Variants in CSTPP1 observed in about 807,000 individuals in gnomAD.
CSTPP1 encodes the protein centriolar satellite-associated tubulin polyglutamylase complex regulator 1.
the CSTPP1 span, among the ~76,000 whole-genome samples, chr11:46,992,038 G>A: frequency 6.6e-6 from 1 of 152,028 alleles, no homozygotes; most frequent in African/African-American, 2.4e-5. Context: ...ATTTGTGCCC[G>A]GCCTCATTTA....
At chr11:47,114,241 G>A in the CSTPP1 span, among the ~76,000 whole-genome samples, 1 of 152,156 alleles carries the variant, frequency 6.6e-6, no homozygotes, top group African/African-American at 2.4e-5. Flanking sequence ...GGCTGTTTTG[G>A]TTATTGTAGC....
At chr11:47,137,543 C>A in the CSTPP1 span, 1 of 1,579,110 alleles carries the variant, frequency 6.3e-7, no homozygotes, top group Non-Finnish European at 8.6e-7. Context: ...TTTAAAAGAA[C>A]AGCTCTACCA....
At chr11:47,067,238 AT>A in the CSTPP1 span, among the ~76,000 whole-genome samples, 3 of 152,230 alleles carry the variant, frequency 2.0e-5, no homozygotes, top group Admixed American at 6.5e-5. Context: ...CACATTCCTA[AT>A]TAATGAGTAA....
At chr11:47,137,262 A>G in the CSTPP1 span, 9 of 1,300,854 alleles carry the variant, frequency 6.9e-6, no homozygotes, top group African/African-American at 1.4e-4. Context: ...AAACGTTACC[A>G]TGCCAGAGAA....
chr11:47,003,235 G>A, the CSTPP1 span, among the ~76,000 whole-genome samples: 373 of 152,322 alleles, frequency 2.4e-3, 1 homozygote, highest in African/African-American at 8.2e-3. Context: ...TCCATAATTT[G>A]CTCAGAACTC....
the CSTPP1 span, among the ~76,000 whole-genome samples, chr11:47,046,708 C>T: frequency 7.1e-6 from 1 of 140,232 alleles, no homozygotes; most frequent in Non-Finnish European, 1.5e-5. Flanking sequence ...ACTCTGCCAC[C>T]CAGGCTGGAG....
chr11:46,990,930 G>A, the CSTPP1 span, among the ~76,000 whole-genome samples: 1 of 152,170 alleles, frequency 6.6e-6, no homozygotes, highest in African/African-American at 2.4e-5. Flanking sequence ...TCAAAGATAA[G>A]ATTGTTTTAA....
chr11:47,054,956 T>C, the CSTPP1 span, among the ~76,000 whole-genome samples: 2 of 69,978 alleles, frequency 2.9e-5, no homozygotes, highest in Admixed American at 2.7e-4. Flanking sequence ...TTTTTTTTTT[T>C]TGGAGACAGG....
chr11:47,086,549 AG>A, the CSTPP1 span, among the ~76,000 whole-genome samples: 1 of 152,094 alleles, frequency 6.6e-6, no homozygotes, highest in Non-Finnish European at 1.5e-5. Context: ...AAGATAATAA[AG>A]GGGAAGGGAA....
chr11:47,037,978 A>AC, the CSTPP1 span, among the ~76,000 whole-genome samples: 15 of 65,286 alleles, frequency 2.3e-4, no homozygotes, highest in Admixed American at 6.8e-4. Flanking sequence ...CAGAGGGCTG[A>AC]CCCCCCCCAC....
At chr11:47,077,721 C>T in the CSTPP1 span, among the ~76,000 whole-genome samples, 1 of 152,074 alleles carries the variant, frequency 6.6e-6, no homozygotes, top group African/African-American at 2.4e-5. Flanking sequence ...TTGTGCAAGA[C>T]AGCTAGAAAG....
At chr11:47,067,294 T>G in the CSTPP1 span, among the ~76,000 whole-genome samples, 1 of 152,134 alleles carries the variant, frequency 6.6e-6, no homozygotes. Context: ...GTTTAAAAAT[T>G]TTATTGTTTG....
At chr11:46,950,416 G>A in the CSTPP1 span, among the ~76,000 whole-genome samples, 20 of 150,392 alleles carry the variant, frequency 1.3e-4, no homozygotes, top group Admixed American at 6.6e-4. Flanking sequence ...CTTGTGATCC[G>A]CCTGCCTCGG....
At chr11:47,164,056 GC>G in the CSTPP1 span, 1 of 1,577,518 alleles carries the variant, frequency 6.3e-7, no homozygotes, top group Non-Finnish European at 8.6e-7. Flanking sequence ...GAGTTAAAGG[GC>G]CAACTAATGC....
chr11:47,042,165 G>A, the CSTPP1 span, among the ~76,000 whole-genome samples: 1 of 151,240 alleles, frequency 6.6e-6, no homozygotes, highest in African/African-American at 2.4e-5. Flanking sequence ...TTGCATCACT[G>A]CATTCCAGCC....
chr11:47,108,479 A>C, the CSTPP1 span, among the ~76,000 whole-genome samples: 1 of 152,128 alleles, frequency 6.6e-6, no homozygotes, highest in Non-Finnish European at 1.5e-5. Flanking sequence ...GTCACCAAAA[A>C]CTAAATAGTG....
At chr11:46,994,179 T>C in the CSTPP1 span, among the ~76,000 whole-genome samples, 1 of 152,244 alleles carries the variant, frequency 6.6e-6, no homozygotes, top group Non-Finnish European at 1.5e-5. Flanking sequence ...GATTTTGGGC[T>C]GAGATGATGG....
the CSTPP1 span, among the ~76,000 whole-genome samples, chr11:47,021,685 A>G: frequency 6.6e-6 from 1 of 152,082 alleles, no homozygotes; most frequent in Admixed American, 6.6e-5. Flanking sequence ...CAGCAAGGTC[A>G]TTACAGGCTT....
chr11:47,081,880 C>G, the CSTPP1 span, among the ~76,000 whole-genome samples: 1 of 151,232 alleles, frequency 6.6e-6, no homozygotes, highest in Non-Finnish European at 1.5e-5. Flanking sequence ...TGCTTGAACC[C>G]AGGAGTTCAA....
Sources: allele counts gnomAD v4.1 joint callset (sites outside exome capture counted in the v4.1 genomes callset), GRCh38; gene constraint gnomAD v4.1.1; transcripts MANE v1.5; gene names NCBI Gene and HGNC (gene_info 2026-07-23, HGNC 2026-07-21).